Variants in BBS2 observed in about 807,000 individuals in gnomAD.
BBS2 encodes the protein Bardet-Biedl syndrome 2, also known as BBSome complex member BBS2.
In BBS2, 62 loss-of-function variants were observed where a neutral mutation model predicts 83.0. The ratio of observed to expected loss-of-function variants is 0.75; its 90% CI spans 0.61 to 0.92. The LOEUF (loss-of-function observed/expected upper bound fraction) is 0.92. Among genes scored for constraint, BBS2 ranks in the 40% least tolerant of loss-of-function variants. BBS2 has a pLI of 0.00. For synonymous variants in BBS2, 303 were observed against 326.1 expected, an observed-to-expected ratio of 0.93 and a Z score of 0.76; for missense variants, 784 against 901.0, an observed-to-expected ratio of 0.87 and a Z score of 1.66.
At chr16:56,513,435 C>T (rs1964636555) in intron 2 of BBS2, among the ~76,000 whole-genome samples, 1 of 152,020 alleles carries the variant, frequency 6.6e-6, no homozygotes, top group African/African-American at 2.4e-5. Context: ...ACATAATAGC[C>T]AGGGAGTGGA....
intron 1 of BBS2, among the ~76,000 whole-genome samples, chr16:56,516,368 A>AAT: frequency 6.6e-6 from 1 of 152,298 alleles, no homozygotes. Context: ...GGAAAACTCT[A>AAT]ATATTCACCC....
chr16:56,490,253 G>C (rs1332652349), intron 15 of BBS2, among the ~76,000 whole-genome samples: 1 of 152,080 alleles, frequency 6.6e-6, no homozygotes, highest in Non-Finnish European at 1.5e-5. Flanking sequence ...CTGGAACAGA[G>C]ACTTAATGTA....
chr16:56,499,990 T>C (rs1481342530), intron 11 of BBS2, 83 bp from the exon 12 acceptor site: 3 of 1,536,070 alleles, frequency 2.0e-6, no homozygotes, highest in Non-Finnish European at 2.7e-6. Context: ...ATAAAGCCAC[T>C]TCTGGGTCAT....
rs115919332 is a variant in BBS2, at chr16:56,498,308, C to G, written c.1659+129G>C. 1,480 of 1,211,182 alleles carry G rather than the reference C, an allele frequency of 1.2e-3. 18 individuals are homozygous for G. In the African/African-American group the frequency reaches 0.02, roughly 17 times the overall value. The allele number at this position is 1,211,182 out of a possible 1,614,324, so 75.0% of individuals were successfully genotyped here. On this transcript the variant is annotated intron_variant, in intron 13 of 16. Transcript: ENST00000245157. ...GGTTTTATGACCTTGACATTGATGTCCCCCACCTCACTTTGGACTGAATGG... is the reference window on the plus strand; with the variant it reads ...GGTTTTATGACCTTGACATTGATGTGCCCCACCTCACTTTGGACTGAATGG...
At chr16:56,516,545 C>A (rs1183724736) in intron 1 of BBS2, among the ~76,000 whole-genome samples, 2 of 151,956 alleles carry the variant, frequency 1.3e-5, no homozygotes, top group Non-Finnish European at 2.9e-5. Context: ...TACAGGGGTG[C>A]GCCACTACGC....
downstream of BBS2, among the ~76,000 whole-genome samples, chr16:56,480,596 G>A (rs1265875688): frequency 6.6e-6 from 1 of 151,950 alleles, no homozygotes; most frequent in Non-Finnish European, 1.5e-5. Context: ...TCACCATGTT[G>A]GCCAGGCTGG....
chr16:56,489,096 A>G (rs551322646), intron 15 of BBS2, among the ~76,000 whole-genome samples: 1 of 152,158 alleles, frequency 6.6e-6, no homozygotes, highest in East Asian at 1.9e-4. Context: ...TTAAAAAAAA[A>G]AAATGGCCGA....
intron 1 of BBS2, among the ~76,000 whole-genome samples, chr16:56,518,214 C>G (rs1416424359): frequency 1.3e-5 from 2 of 152,130 alleles, no homozygotes; most frequent in Non-Finnish European, 2.9e-5. Flanking sequence ...GAAAATGAAG[C>G]CTTATTTTTT....
intron 15 of BBS2, among the ~76,000 whole-genome samples, chr16:56,494,310 T>C (rs1964050017): frequency 6.6e-6 from 1 of 151,596 alleles, no homozygotes; most frequent in African/African-American, 2.4e-5. Context: ...GGCGCAGTAA[T>C]AAAATCGAAG....
In BBS2 at chr16:56,519,950, A is replaced by T; in HGVS notation, c.-88T>A. ...ACGCGCCCGGGCAAGAAGTGCAGGG[A>T]CACTACCTGCGCGGCCCCAGCCGCC... is the stretch of plus-strand genomic sequence containing the variant. On this transcript the variant is annotated 5_prime_UTR_variant, in exon 1 of 17. Coordinates refer to ENST00000245157, the MANE Select transcript of BBS2 (RefSeq NM_031885.5). The T allele has an allele frequency of 2.6e-6, 3 of 1,171,678 alleles. No individual in the cohort carries two copies. Among genetic ancestry groups the T allele is most frequent in the East Asian group, 4.9e-5 (2 of 41,110 alleles). The allele number at this position is 1,171,678 out of a possible 1,614,324, so 72.6% of individuals were successfully genotyped here. A position where few individuals can be genotyped will look rare whatever the true frequency, so the allele number is the denominator to read the frequency against.
intron 2 of BBS2, 107 bp downstream of exon 2, chr16:56,514,346 C>T: frequency 2.0e-6 from 2 of 1,011,674 alleles, no homozygotes; most frequent in Non-Finnish European, 3.1e-6. Context: ...TATACTATAA[C>T]AGTCATACAA....
chr16:56,519,498 G>A, intron 1 of BBS2: 1 of 529,392 alleles, frequency 1.9e-6, no homozygotes, highest in South Asian at 2.2e-5. Context: ...AGCTCCCTAT[G>A]TCCAGGGACC....
At chr16:56,507,694 A>G (rs1964460244) in intron 5 of BBS2, among the ~76,000 whole-genome samples, 1 of 152,094 alleles carries the variant, frequency 6.6e-6, no homozygotes, top group African/African-American at 2.4e-5. Context: ...CGGGCCAGGC[A>G]TGGTGGCTCA....
intron 15 of BBS2, among the ~76,000 whole-genome samples, chr16:56,491,833 A>C (rs1386975554): frequency 2.0e-5 from 3 of 151,816 alleles, no homozygotes; most frequent in African/African-American, 7.2e-5. Flanking sequence ...AGGTATATAA[A>C]AAGACGCCCA....
At position 56,502,791 on chromosome 16, in the gene BBS2, G is replaced by A. The variant is rs2144150744; in HGVS notation, c.822C>T (p.Asp274=). The change falls in exon 8 of 17, where the codon GAC becomes GAT. Residue 274 remains aspartate (D), a synonymous_variant. Transcript: ENST00000245157. The stretch of plus-strand genomic sequence containing the variant: ...CCTTAAAGATGACCTCCCCAGTTCG[G>A]TCACTTCGAGCATCAACCTACAAAT... ...WSNGKVDARS[D]RTGEVIFKDN... is the part of the protein sequence containing the mutation. The A allele has an allele frequency of 6.2e-7, 1 of 1,614,130 alleles. No homozygotes were observed. The highest frequency in any genetic ancestry group is 8.5e-7 in the Non-Finnish European group (1 of 1,180,028).
chr16:56,506,060 G>C (rs768284668), intron 6 of BBS2, 24 bp from the exon 7 acceptor site: 14 of 1,610,828 alleles, frequency 8.7e-6, no homozygotes, highest in African/African-American at 2.7e-5. Flanking sequence ...TTAATAATTA[G>C]CACAGAAGTC....
intron 12 of BBS2, chr16:56,499,541 C>T: frequency 2.1e-6 from 1 of 475,856 alleles, no homozygotes; most frequent in Non-Finnish European, 3.8e-6. Context: ...AGGAATTAAA[C>T]ACTGGTAAGA....
In BBS2 at chr16:56,470,859, A is replaced by G. The variant is rs145290540; in HGVS notation, c.*1-164T>C. 1,054 of 1,419,734 alleles carry G rather than the reference A, an allele frequency of 7.4e-4. 6 individuals carry two copies. In the African/African-American group the frequency reaches 0.013, roughly 17 times the overall value. The allele number at this position is 1,419,734 out of a possible 1,614,324, so 87.9% of individuals were successfully genotyped here. On this transcript the variant is annotated intron_variant, in intron 17 of 17. Coordinates refer to the BBS2 transcript ENST00000682047. ...TCACCATTCAAACATGTATTCATTC[A>G]ACAAACATTTATTGAGCATCTACTG...
At chr16:56,497,664 A>G (rs1325312255) in intron 14 of BBS2, 79 bp downstream of exon 14, 2 of 1,575,448 alleles carry the variant, frequency 1.3e-6, no homozygotes, top group African/African-American at 1.3e-5. Flanking sequence ...TAACATAAGT[A>G]CATTTGTAGT....
Sources: gnomAD v4.1 joint callset for allele counts (sites outside exome capture counted in the v4.1 genomes callset) on GRCh38, gnomAD v4.1.1 for gene constraint, MANE v1.5 for transcripts, NCBI Gene and HGNC (gene_info 2026-07-23, HGNC 2026-07-21) for gene names.